SPAG16: variants seen among roughly 807,000 people sequenced by gnomAD.
SPAG16 encodes sperm associated antigen 16, also known as sperm-associated antigen 16 protein.
SPAG16 carries 86 observed loss-of-function variants against 80.4 expected under a neutral mutation model. The observed-to-expected ratio is 1.07, with a 90% confidence interval of 0.90 to 1.28. The LOEUF (loss-of-function observed/expected upper bound fraction) is 1.28. SPAG16 is among the 50% of genes most tolerant of loss of function. SPAG16 has a pLI of 0.00. For synonymous variants in SPAG16, 294 were observed against 265.9 expected (o/e 1.11, Z -1.03); for missense variants, 870 against 765.3 (o/e 1.14, Z -1.61).
At chr2:214,348,119 G>A (rs1559231901) in intron 15 of SPAG16, among the ~76,000 whole-genome samples, 1 of 152,190 alleles carries the variant, frequency 6.6e-6, no homozygotes, top group Admixed American at 6.5e-5. Flanking sequence ...TTGTATACGG[G>A]TTGTGTGGAG....
chr2:213,653,136 T>TA (rs2063087024), intron 10 of SPAG16, among the ~76,000 whole-genome samples: 1 of 152,164 alleles, frequency 6.6e-6, no homozygotes, highest in African/African-American at 2.4e-5. Context: ...AGCTCCGGGA[T>TA]ATGGATAGGT....
chr2:214,291,300 C>CTT (rs56771172), intron 15 of SPAG16, among the ~76,000 whole-genome samples: 64,280 of 79,628 alleles, frequency 0.81, 27,685 homozygotes, highest in South Asian at 0.93. Flanking sequence ...GATCATGTTT[C>CTT]TTTTTTTTTT....
intron 12 of SPAG16, among the ~76,000 whole-genome samples, chr2:214,012,282 ATATATATTTTT>A (rs1183441650): frequency 7.9e-5 from 4 of 50,714 alleles, no homozygotes; most frequent in African/African-American, 4.8e-4. Context: ...ATATATATAT[ATATATATTTTT>A]TTTTTTTTTT....
At chr2:213,322,775 T>TGGGGCAG (rs964751232) in intron 5 of SPAG16, among the ~76,000 whole-genome samples, 4 of 151,336 alleles carry the variant, frequency 2.6e-5, no homozygotes, top group African/African-American at 9.7e-5. Context: ...TGGTAAGGGG[T>TGGGGCAG]GGGGCAGGGA....
chr2:214,318,998 T>G (rs1482322794), intron 15 of SPAG16, among the ~76,000 whole-genome samples: 2 of 152,224 alleles, frequency 1.3e-5, no homozygotes, highest in African/African-American at 4.8e-5. Context: ...GCTTTCTCAT[T>G]ATGCTGCTAG....
chr2:213,653,131 C>T (rs983039133), intron 10 of SPAG16, among the ~76,000 whole-genome samples: 1 of 151,994 alleles, frequency 6.6e-6, no homozygotes, highest in African/African-American at 2.4e-5. Context: ...TTTACAGCTC[C>T]GGGATATGGA....
chr2:213,322,007 G>T (rs1045688712), intron 5 of SPAG16, among the ~76,000 whole-genome samples: 1 of 151,442 alleles, frequency 6.6e-6, no homozygotes, highest in East Asian at 1.9e-4. Context: ...ACACCAACAT[G>T]GCACATGTAT....
chr2:213,351,019 G>A (rs1011877452), intron 7 of SPAG16, among the ~76,000 whole-genome samples: 5 of 151,894 alleles, frequency 3.3e-5, no homozygotes, highest in African/African-American at 7.3e-5. Context: ...GCACAGGCCT[G>A]TAATCCCTGC....
intron 15 of SPAG16, among the ~76,000 whole-genome samples, chr2:214,374,892 C>T (rs1167528231): frequency 2.6e-5 from 4 of 152,174 alleles, no homozygotes; most frequent in East Asian, 1.9e-4. Flanking sequence ...TTGTGCTTGA[C>T]GTTTCTGGCA....
chr2:213,451,323 T>C (rs1211149643), intron 9 of SPAG16, among the ~76,000 whole-genome samples: 1 of 152,194 alleles, frequency 6.6e-6, no homozygotes, highest in East Asian at 1.9e-4. Context: ...ATTTATCCCA[T>C]GCCCACAGGT....
At chr2:213,536,171 T>C (rs2076239286) in intron 10 of SPAG16, among the ~76,000 whole-genome samples, 1 of 152,152 alleles carries the variant, frequency 6.6e-6, no homozygotes, top group Non-Finnish European at 1.5e-5. Context: ...TTGATTTTTT[T>C]CTTCTTGTTT....
At chr2:213,922,535 A>G (rs2078272073) in intron 11 of SPAG16, among the ~76,000 whole-genome samples, 1 of 152,030 alleles carries the variant, frequency 6.6e-6, no homozygotes, top group Non-Finnish European at 1.5e-5. Flanking sequence ...CTCATTTCAG[A>G]TATTTCAGCC....
chr2:214,300,488 T>C (rs1025923107), intron 15 of SPAG16, among the ~76,000 whole-genome samples: 1 of 152,148 alleles, frequency 6.6e-6, no homozygotes. Flanking sequence ...TAGAAACCTA[T>C]ATTTGAGTCT....
chr2:213,521,550 A>G lies in SPAG16; in HGVS notation c.1070+31460A>G, dbSNP rs1421602008. 2.6e-5 allele frequency among the ~76,000 whole-genome samples: 4 copies of G among 152,182 alleles called. No homozygotes were observed. The South Asian group carries it at 6.2e-4, about 24-fold the overall frequency. On this transcript the variant is annotated intron_variant, in intron 10 of 15. Transcript: ENST00000331683. Reference sequence around the variant, plus strand: ...TGGTTCATGTTTTTTCTTGTGTCCAATCCATGTTTGTATGTCGTGCACTTC... The same window carrying G: ...TGGTTCATGTTTTTTCTTGTGTCCAGTCCATGTTTGTATGTCGTGCACTTC...
chr2:213,907,634 A>G (rs550682027), intron 11 of SPAG16, among the ~76,000 whole-genome samples: 12 of 152,338 alleles, frequency 7.9e-5, no homozygotes, highest in East Asian at 7.7e-4. Context: ...ATGTCCATCA[A>G]TAGATGAATG....
At chr2:214,060,349 G>A (rs10184691) in intron 13 of SPAG16, among the ~76,000 whole-genome samples, 13,744 of 152,050 alleles carry the variant, frequency 0.09, 752 homozygotes, top group East Asian at 0.23. Flanking sequence ...CAAAAATATT[G>A]TTTATTTTGA....
chr2:214,041,810 G>A lies in SPAG16; in HGVS notation c.1527+27733G>A, dbSNP rs142386400. 9.3e-5 allele frequency among the ~76,000 whole-genome samples: 14 copies of A among 151,094 alleles called. 1 individual carries two copies. Among genetic ancestry groups the A allele is most frequent in the Admixed American group, 8.6e-4 (13 of 15,162 alleles). ...GTATTTTCACACACACAGGGAAGAT[G>A]TTTTCTGAAATATTTTTAAACAAAA... On this transcript the variant is annotated intron_variant, in intron 13 of 15. Coordinates refer to ENST00000331683, the MANE Select transcript of SPAG16 (RefSeq NM_024532.5).
At chr2:214,012,259 C>T (rs1322414332) in intron 12 of SPAG16, among the ~76,000 whole-genome samples, 2 of 39,848 alleles carry the variant, frequency 5.0e-5, no homozygotes, top group East Asian at 7.9e-4. Flanking sequence ...TTTATACTTA[C>T]ATATATATAT....
intron 15 of SPAG16, among the ~76,000 whole-genome samples, chr2:214,400,717 A>G (rs1701659168): frequency 6.6e-6 from 1 of 152,070 alleles, no homozygotes. Flanking sequence ...CCAAGTTCAC[A>G]TAATGGTAGA....
Sources: allele counts gnomAD v4.1 joint callset (sites outside exome capture counted in the v4.1 genomes callset), GRCh38; gene constraint gnomAD v4.1.1; transcripts MANE v1.5; gene names NCBI Gene and HGNC (gene_info 2026-07-23, HGNC 2026-07-21).